SMC2: variants seen among roughly 807,000 people sequenced by gnomAD.
SMC2 encodes structural maintenance of chromosomes protein 2.
SMC2 carries 41 observed loss-of-function variants against 142.6 expected under a neutral mutation model. The observed-to-expected ratio is 0.29, with a 90% CI of 0.22 to 0.37. SMC2 has a LOEUF of 0.37. SMC2 is among the 10% of genes least tolerant of loss of function. The probability of loss-of-function intolerance (pLI) is 1.00; values close to 1 mark genes in which losing one functional copy is unlikely to be tolerated. For missense variants in SMC2, 1,265 were observed against 1,373.7 expected (o/e 0.92, Z 1.25); for synonymous variants, 463 against 457.5 (o/e 1.01, Z -0.15).
upstream of SMC2, among the ~76,000 whole-genome samples, chr9:104,089,880 T>C (rs1829965035): frequency 6.6e-6 from 1 of 152,112 alleles, no homozygotes; most frequent in African/African-American, 2.4e-5. Flanking sequence ...TCTCCTGACC[T>C]CCTGATCTGC....
chr9:104,109,093 C>T (rs745956849), intron 9 of SMC2, among the ~76,000 whole-genome samples: 4 of 152,182 alleles, frequency 2.6e-5, no homozygotes, highest in Admixed American at 6.5e-5. Flanking sequence ...AGTCTAAGGA[C>T]ACCCAGATGA....
At chr9:104,121,928 T>C (rs1470763696) in intron 16 of SMC2, among the ~76,000 whole-genome samples, 1 of 152,222 alleles carries the variant, frequency 6.6e-6, no homozygotes, top group Non-Finnish European at 1.5e-5. Flanking sequence ...CTAATTTTTG[T>C]ATTTTTAGTA....
intron 11 of SMC2, 100 bp downstream of exon 11, chr9:104,113,575 T>C (rs770375296): frequency 6.5e-6 from 6 of 918,088 alleles, no homozygotes; most frequent in Non-Finnish European, 9.4e-6. Context: ...GAAACATTTC[T>C]TAGCCTATTA....
rs954727174 is a variant in SMC2 at position 104,116,060 on chromosome 9, T to A, written c.1672-140T>A. 3 of 625,854 alleles carry A rather than the reference T, an allele frequency of 4.8e-6. No homozygotes were observed. In the African/African-American group the frequency reaches 5.8e-5, roughly 12 times the overall value. 38.8% of individuals were successfully genotyped at this position (625,854 alleles called of 1,614,324 possible). ...CATCTCCTTTTTCAAGTTCAAATGA[T>A]GTTCCATTGCATATGTAATTATAAC... On this transcript the variant is annotated intron_variant, in intron 13 of 24. Coordinates refer to ENST00000374793, the MANE Select transcript of SMC2 (RefSeq NM_006444.3).
chr9:104,094,502 C>A, intron 1 of SMC2, 25 bp downstream of exon 1: 1 of 175,324 alleles, frequency 5.7e-6, no homozygotes, highest in Admixed American at 7.4e-5. Context: ...TGAGCACGGC[C>A]GGTTGGGCCG....
chr9:104,124,833 C>A, intron 17 of SMC2, 79 bp from the exon 18 acceptor site: 1 of 1,101,988 alleles, frequency 9.1e-7, no homozygotes, highest in Non-Finnish European at 1.3e-6. Context: ...ATTTTCCAAA[C>A]CATTTCTTCT....
intron 9 of SMC2, among the ~76,000 whole-genome samples, chr9:104,103,626 A>G (rs1831418658): frequency 6.6e-6 from 1 of 152,212 alleles, no homozygotes; most frequent in Non-Finnish European, 1.5e-5. Flanking sequence ...AGAGTCAAGT[A>G]TATAGTCTCA....
intron 17 of SMC2, 66 bp from the exon 18 acceptor site, chr9:104,124,846 T>A: frequency 7.9e-7 from 1 of 1,270,996 alleles, no homozygotes. Context: ...TTTCTTCTAT[T>A]AAAAGTTGAA....
intron 21 of SMC2, among the ~76,000 whole-genome samples, chr9:104,130,658 A>G (rs1480927250): frequency 6.6e-6 from 1 of 152,118 alleles, no homozygotes; most frequent in Non-Finnish European, 1.5e-5. Flanking sequence ...AAACAGATGA[A>G]TCATGCAGGT....
chr9:104,099,876 C>CT (rs1193980939), intron 5 of SMC2, among the ~76,000 whole-genome samples, 194 bp downstream of exon 5: 1 of 152,024 alleles, frequency 6.6e-6, no homozygotes, highest in African/African-American at 2.4e-5. Context: ...ATAAAGGAGT[C>CT]TTGCTTAGCT....
intron 13 of SMC2, among the ~76,000 whole-genome samples, chr9:104,115,366 G>C (rs1194151514): frequency 6.6e-6 from 1 of 151,914 alleles, no homozygotes; most frequent in Non-Finnish European, 1.5e-5. Context: ...TTTGAGCCCA[G>C]GAGCTCGAGA....
rs952869231 is a variant in SMC2 at position 104,098,681 on chromosome 9, A to T, written c.441+113A>T. On this transcript the variant is annotated intron_variant, in intron 4 of 24. Transcript: ENST00000374793. ...TTGGATTTTATACTTTTTATTTACT[A>T]TTGTGCTGTGTCCGGCCATCTGTTT... 4 of 1,074,150 alleles carry T rather than the reference A, an allele frequency of 3.7e-6. No individual in the cohort carries two copies. In the Admixed American group the frequency reaches 1.0e-4, roughly 27 times the overall value. 66.5% of individuals were successfully genotyped at this position (1,074,150 alleles called of 1,614,324 possible). A position where few individuals can be genotyped will look rare whatever the true frequency, so the allele number is the denominator to read the frequency against.
intron 20 of SMC2, among the ~76,000 whole-genome samples, chr9:104,129,262 G>A (rs959188056): frequency 6.6e-6 from 1 of 152,070 alleles, no homozygotes; most frequent in African/African-American, 2.4e-5. Context: ...CAGCACTTTG[G>A]GAGGCCGAGG....
intron 9 of SMC2, among the ~76,000 whole-genome samples, chr9:104,104,825 A>C (rs2417485): frequency 0.51 from 77,925 of 152,054 alleles, 20,744 homozygotes; most frequent in Non-Finnish European, 0.55. Flanking sequence ...ACATAATCTC[A>C]TTGCAATATT....
chr9:104,089,735 G>C (rs1320938032), upstream of SMC2, among the ~76,000 whole-genome samples: 1 of 152,034 alleles, frequency 6.6e-6, no homozygotes, highest in Non-Finnish European at 1.5e-5. Context: ...ACTTGTGTCC[G>C]CCTCCTGGGT....
chr9:104,120,037 C>T lies in SMC2; in HGVS notation c.2007C>T (p.Ser669=). 6.2e-7 allele frequency: 1 copy of T among 1,613,784 alleles called. No individual in the cohort carries two copies. Among genetic ancestry groups the T allele is most frequent in the South Asian group, 1.1e-5 (1 of 91,046 alleles). ...PHGTLSGGAR[S]QAASILTKFQ... ...ATTTGCCTCTATCAGGTGCTCGATC[C>T]CAGGCAGCTTCCATTTTAACCAAGT... The change falls in exon 16 of 25, where the codon TCC becomes TCT. Residue 669 remains serine, a synonymous_variant. Transcript: ENST00000374793.
chr9:104,131,016 G>A (rs1834903821), intron 21 of SMC2, among the ~76,000 whole-genome samples: 1 of 152,120 alleles, frequency 6.6e-6, no homozygotes, highest in Admixed American at 6.6e-5. Context: ...GAGCGTGGCT[G>A]TAAAGAAGAG....
chr9:104,100,124 C>A lies in SMC2; in HGVS notation c.512C>A (p.Thr171Asn). 6.3e-7 allele frequency: 1 copy of A among 1,578,334 alleles called. No homozygotes were observed. The highest frequency in any genetic ancestry group is 2.1e-5 in the Admixed American group (1 of 48,454). ...TCCATGATAGAAGAAGCAGCTGGAACCAGGATGTATGAATACAAAAAAATA... is the reference window on the plus strand; with the variant it reads ...TCCATGATAGAAGAAGCAGCTGGAAACAGGATGTATGAATACAAAAAAATA... ...ILSMIEEAAG[T>N]RMYEYKKIAA... Residue 171 changes from threonine (T) to asparagine (N), a missense_variant, in exon 6 of 25, where the codon ACC (threonine) becomes AAC (asparagine). This residue lies in a region of SMC2 where 7 missense variants were observed against 22.8 expected (regional missense o/e 0.31). Transcript: ENST00000374793.
intron 4 of SMC2, 87 bp downstream of exon 4, chr9:104,098,655 T>C: frequency 1.5e-6 from 2 of 1,337,186 alleles, no homozygotes. Context: ...TACTTTATGT[T>C]TTGGATTTTA....
Sources: allele counts gnomAD v4.1 joint callset (sites outside exome capture counted in the v4.1 genomes callset), GRCh38; gene constraint gnomAD v4.1.1; regional missense constraint gnomAD v4.1.1; transcripts MANE v1.5; gene names NCBI Gene and HGNC (gene_info 2026-07-23, HGNC 2026-07-21).